ATP2B1: variants seen among roughly 807,000 people sequenced by gnomAD.
ATP2B1 encodes the protein ATPase plasma membrane Ca2+ transporting 1, also known as plasma membrane calcium-transporting ATPase 1.
A neutral mutation model predicts 124.2 loss-of-function variants in ATP2B1; 14 were observed. That is an observed-to-expected ratio of 0.11 (90% confidence interval 0.07 to 0.18). ATP2B1 has a LOEUF of 0.18. Among genes scored for constraint, ATP2B1 ranks in the 10% least tolerant of loss-of-function variants. The pLI is 1.00. For missense variants in ATP2B1, 763 were observed against 1,466.1 expected, an observed-to-expected ratio of 0.52 and a Z score of 7.83; for synonymous variants, 449 against 492.4, an observed-to-expected ratio of 0.91 and a Z score of 1.17.
intron 2 of ATP2B1, among the ~76,000 whole-genome samples, chr12:89,652,081 T>G (rs547907572): frequency 6.6e-6 from 1 of 152,198 alleles, no homozygotes; most frequent in South Asian, 2.1e-4. Flanking sequence ...TCATTTTTTT[T>G]AAACATGTAT....
intron 1 of ATP2B1, among the ~76,000 whole-genome samples, chr12:89,667,650 C>A (rs1887471220): frequency 6.6e-6 from 1 of 152,152 alleles, no homozygotes; most frequent in African/African-American, 2.4e-5. Flanking sequence ...GCTCTGTCTT[C>A]AAGGAGTTTA....
chr12:89,612,353 C>T (rs1209244820), intron 12 of ATP2B1, among the ~76,000 whole-genome samples: 3 of 151,998 alleles, frequency 2.0e-5, no homozygotes, highest in South Asian at 4.1e-4. Flanking sequence ...AAAATCCACA[C>T]GGATCCTACT....
chr12:89,627,232 T>C (rs748462228), intron 7 of ATP2B1, among the ~76,000 whole-genome samples: 6 of 152,122 alleles, frequency 3.9e-5, no homozygotes, highest in Non-Finnish European at 7.4e-5. Context: ...TGATGCGGAA[T>C]AGTCAAAACT....
intron 1 of ATP2B1, among the ~76,000 whole-genome samples, chr12:89,695,206 G>C (rs895977460): frequency 1.3e-5 from 2 of 151,996 alleles, no homozygotes; most frequent in African/African-American, 2.4e-5. Flanking sequence ...ATTCATTATA[G>C]AAGAGATCAC....
In ATP2B1 at chr12:89,591,139, C is replaced by G. The variant is rs756961753; in HGVS notation, c.3508G>C (p.Asp1170His). ...PLIDDTDAEDDAPTKRNSSPP... is the reference protein window; with the variant it reads ...PLIDDTDAEDHAPTKRNSSPP... ...CTGGAGTTACGTTTTGTAGGAGCAT[C>G]ATCTTCGGCATCAGTGTCATCAATA... Residue 1170 changes from aspartate (D) to histidine (H), a missense_variant, in exon 21 of 21, where the codon GAT becomes CAT. Asp to His is a moderately conservative substitution (Grantham distance 81, BLOSUM62 -1). Coordinates refer to ENST00000428670, the MANE Select transcript of ATP2B1 (RefSeq NM_001366521.1). 1 of 1,613,254 alleles carries G rather than the reference C, an allele frequency of 6.2e-7. No individual in the cohort carries two copies. Among genetic ancestry groups the G allele is most frequent in the Non-Finnish European group, 8.5e-7 (1 of 1,179,404 alleles).
At chr12:89,686,604 GTA>G (rs1292295576) in intron 1 of ATP2B1, among the ~76,000 whole-genome samples, 2 of 152,052 alleles carry the variant, frequency 1.3e-5, no homozygotes, top group East Asian at 1.9e-4. Context: ...AAATACTACT[GTA>G]ATAAATGAAT....
chr12:89,648,632 A>G (rs1884825486), intron 2 of ATP2B1, among the ~76,000 whole-genome samples: 3 of 152,228 alleles, frequency 2.0e-5, no homozygotes, highest in Admixed American at 2.0e-4. Flanking sequence ...TAGAGAAGGA[A>G]AACAAGTGGG....
intron 3 of ATP2B1, 93 bp from the exon 4 acceptor site, chr12:89,635,344 ATGTT>A (rs1300177813): frequency 1.5e-6 from 2 of 1,377,362 alleles, no homozygotes; most frequent in South Asian, 1.4e-5. Context: ...TGTGTTAATT[ATGTT>A]TATCAATTTT....
intron 6 of ATP2B1, among the ~76,000 whole-genome samples, chr12:89,628,494 G>A (rs1008964581): frequency 6.6e-6 from 1 of 150,904 alleles, no homozygotes; most frequent in African/African-American, 2.4e-5. Context: ...ACAAAAGATA[G>A]GAGAGGTAAC....
rs146981647 is a variant in ATP2B1, at chr12:89,687,116, G to C, written c.-222+21480C>G. The stretch of plus-strand genomic sequence containing the variant: ...TTTACATAGCATTTAATTATGTTAG[G>C]TATTATAAGCAATCTAGAGATGATT... On this transcript the variant is annotated intron_variant, in intron 1 of 20. Coordinates refer to ENST00000428670, the MANE Select transcript of ATP2B1 (RefSeq NM_001366521.1). Among the ~76,000 whole-genome samples the C allele has an allele frequency of 1.5e-3, 228 of 152,148 alleles. 1 individual carries two copies. Among genetic ancestry groups the C allele is most frequent in the African/African-American group, 5.2e-3 (217 of 41,516 alleles).
intron 2 of ATP2B1, among the ~76,000 whole-genome samples, chr12:89,653,278 T>C (rs916970137): frequency 4.1e-4 from 53 of 128,086 alleles, no homozygotes; most frequent in Non-Finnish European, 5.3e-4. Context: ...ACATAGAATT[T>C]TTTTCTTTTT....
chr12:89,635,573 GA>G (rs1882563279), intron 3 of ATP2B1, among the ~76,000 whole-genome samples: 2 of 152,242 alleles, frequency 1.3e-5, no homozygotes, highest in Admixed American at 1.3e-4. Flanking sequence ...GTCAAATTAT[GA>G]TACCACCAGC....
rs1448695412 is a variant in ATP2B1, at chr12:89,673,104, G to C, written c.-221-16997C>G. On this transcript the variant is annotated intron_variant, in intron 1 of 20. Coordinates refer to ENST00000428670, the MANE Select transcript of ATP2B1 (RefSeq NM_001366521.1). ...AGAACTTCCAAATTCCTCTAGACTAGACTTCCAAACTGGTGAGCTGGAGAA... is the reference window on the plus strand; with the variant it reads ...AGAACTTCCAAATTCCTCTAGACTACACTTCCAAACTGGTGAGCTGGAGAA... Among the ~76,000 whole-genome samples the C allele has an allele frequency of 2.0e-5, 3 of 152,074 alleles. No individual in the cohort carries two copies. In the South Asian group the frequency reaches 6.2e-4, roughly 31 times the overall value.
intron 2 of ATP2B1, among the ~76,000 whole-genome samples, chr12:89,652,434 T>A (rs1162011725): frequency 1.3e-5 from 2 of 152,232 alleles, no homozygotes; most frequent in Non-Finnish European, 2.9e-5. Context: ...AATAAATGAA[T>A]GAACTAAAGG....
Position 89,652,036 on chromosome 12 carries a change from C to T in ATP2B1, c.208+3643G>A, listed in dbSNP as rs527522067. On this transcript the variant is annotated intron_variant, in intron 2 of 20. Coordinates refer to ENST00000428670, the MANE Select transcript of ATP2B1 (RefSeq NM_001366521.1). ...TCCATACTTGACAGAAATCCAATATCGACACCCCCAATATTTCTGATTTCC... is the reference window on the plus strand; with the variant it reads ...TCCATACTTGACAGAAATCCAATATTGACACCCCCAATATTTCTGATTTCC... 1.8e-3 allele frequency among the ~76,000 whole-genome samples: 273 copies of T among 152,230 alleles called. 1 individual carries two copies. The South Asian group carries it at 0.035, about 19-fold the overall frequency.
At chr12:89,675,087 T>A (rs1198070422) in intron 1 of ATP2B1, among the ~76,000 whole-genome samples, 1 of 152,206 alleles carries the variant, frequency 6.6e-6, no homozygotes, top group Admixed American at 6.5e-5. Flanking sequence ...TTCTTGGGAA[T>A]TTTAATCCAG....
chr12:89,677,462 A>G (rs1263338069), intron 1 of ATP2B1, among the ~76,000 whole-genome samples: 1 of 152,098 alleles, frequency 6.6e-6, no homozygotes, highest in Non-Finnish European at 1.5e-5. Context: ...GATTCACCAC[A>G]CTTTAAATGG....
chr12:89,661,507 C>T (rs930566240), intron 1 of ATP2B1, among the ~76,000 whole-genome samples: 1 of 151,742 alleles, frequency 6.6e-6, no homozygotes, highest in Admixed American at 6.6e-5. Flanking sequence ...GTATTAAATA[C>T]TCACAAAATC....
intron 1 of ATP2B1, among the ~76,000 whole-genome samples, chr12:89,701,817 G>C (rs921267967): frequency 6.6e-6 from 1 of 152,094 alleles, no homozygotes; most frequent in African/African-American, 2.4e-5. Flanking sequence ...AAAGTGCTAG[G>C]ACTTATAGGC....
Sources: gnomAD v4.1 joint callset for allele counts (sites outside exome capture counted in the v4.1 genomes callset) on GRCh38, gnomAD v4.1.1 for gene constraint, MANE v1.5 for transcripts, NCBI Gene and HGNC (gene_info 2026-07-23, HGNC 2026-07-21) for gene names.